Variants in PBX3 observed in about 807,000 individuals in gnomAD.
The protein encoded by PBX3 is PBX homeobox 3.
PBX3 carries 14 observed loss-of-function variants against 48.5 expected under a neutral mutation model. The observed-to-expected ratio is 0.29, with a 90% CI of 0.19 to 0.45. The LOEUF is 0.45. PBX3 is among the 20% of genes least tolerant of loss of function. PBX3 has a pLI of 1.00. For synonymous variants in PBX3, 210 were observed against 200.3 expected (o/e 1.05, Z -0.41); for missense variants, 386 against 546.7 (o/e 0.71, Z 2.93).
chr9:125,893,647 G>A lies in PBX3; in HGVS notation c.275-22039G>A, dbSNP rs950727948. On this transcript the variant is annotated intron_variant, in intron 2 of 8. Coordinates refer to ENST00000373489, the MANE Select transcript of PBX3 (RefSeq NM_006195.6). ...TTATTGTAATGCATGTGCATTGGTG[G>A]CTTATATGTATACTCTGGCTCTGTC... Among the ~76,000 whole-genome samples the A allele has an allele frequency of 5.9e-5, 9 of 152,250 alleles. 1 individual carries two copies. In the South Asian group the frequency reaches 1.9e-3, roughly 32 times the overall value.
chr9:125,924,230 A>G (rs1841520020), intron 3 of PBX3, among the ~76,000 whole-genome samples: 1 of 152,190 alleles, frequency 6.6e-6, no homozygotes, highest in African/African-American at 2.4e-5. Flanking sequence ...TTTTTTTAAA[A>G]ACAAAAAACC....
At chr9:125,881,617 A>T (rs933751039) in intron 2 of PBX3, among the ~76,000 whole-genome samples, 3 of 151,712 alleles carry the variant, frequency 2.0e-5, no homozygotes, top group South Asian at 2.1e-4. Flanking sequence ...TATTATTATT[A>T]TTTTTAATTA....
chr9:125,876,290 T>G (rs1564151652), intron 2 of PBX3, among the ~76,000 whole-genome samples: 1 of 152,250 alleles, frequency 6.6e-6, no homozygotes, highest in Non-Finnish European at 1.5e-5. Flanking sequence ...TTTTCTAGTT[T>G]GTATTACAAA....
intron 2 of PBX3, among the ~76,000 whole-genome samples, chr9:125,878,914 G>T (rs747966103): frequency 1.3e-4 from 19 of 151,794 alleles, no homozygotes; most frequent in Non-Finnish European, 2.6e-4. Context: ...GTATTTTTTT[G>T]TGTATATCTT....
chr9:125,806,180 C>G (rs2132111600), intron 2 of PBX3, among the ~76,000 whole-genome samples: 1 of 152,014 alleles, frequency 6.6e-6, no homozygotes, highest in East Asian at 1.9e-4. Context: ...ATGCATATAT[C>G]CAGGGAAAGG....
At chr9:125,753,789 C>T (rs140902150) in intron 2 of PBX3, among the ~76,000 whole-genome samples, 85 of 152,128 alleles carry the variant, frequency 5.6e-4, no homozygotes, top group Admixed American at 1.8e-3. Context: ...ACTGGTTGAT[C>T]GGCTTTCATA....
chr9:125,850,097 C>T (rs975722703), intron 2 of PBX3, among the ~76,000 whole-genome samples: 3 of 151,938 alleles, frequency 2.0e-5, no homozygotes, highest in Admixed American at 6.6e-5. Context: ...GTGATTTTGA[C>T]GTCTTAGTCT....
chr9:125,894,159 C>A (rs1840715543), intron 2 of PBX3, among the ~76,000 whole-genome samples: 1 of 151,806 alleles, frequency 6.6e-6, no homozygotes, highest in Non-Finnish European at 1.5e-5. Flanking sequence ...AATTTTATAC[C>A]CTGCATGATT....
At chr9:125,750,122 A>G (rs987218608) in intron 2 of PBX3, among the ~76,000 whole-genome samples, 2 of 152,340 alleles carry the variant, frequency 1.3e-5, no homozygotes, top group South Asian at 2.1e-4. Flanking sequence ...TGCAATTCTC[A>G]GTAAATTCTG....
chr9:125,752,023 G>A (rs1290654551), intron 2 of PBX3, among the ~76,000 whole-genome samples: 1 of 151,870 alleles, frequency 6.6e-6, no homozygotes, highest in Non-Finnish European at 1.5e-5. Context: ...CATTTTAGTA[G>A]ATAATATGAA....
intron 3 of PBX3, among the ~76,000 whole-genome samples, chr9:125,918,120 T>G (rs897337565): frequency 3.9e-4 from 60 of 152,278 alleles, no homozygotes; most frequent in African/African-American, 1.4e-3. Context: ...TGGAAAGAGA[T>G]ATAATATTAG....
chr9:125,897,756 G>A lies in PBX3; in HGVS notation c.275-17930G>A, dbSNP rs544399542. On this transcript the variant is annotated intron_variant, in intron 2 of 8. Coordinates refer to ENST00000373489, the MANE Select transcript of PBX3 (RefSeq NM_006195.6). Reference sequence around the variant, plus strand: ...ATGGGAGCTTTCCATAGAAGTGCATGTTTGCTCTGTATTAGACATGGCCAG... The same window carrying A: ...ATGGGAGCTTTCCATAGAAGTGCATATTTGCTCTGTATTAGACATGGCCAG... Among the ~76,000 whole-genome samples the A allele has an allele frequency of 1.2e-4, 18 of 151,972 alleles. No individual in the cohort carries two copies. In the South Asian group the frequency reaches 3.3e-3, roughly 28 times the overall value.
chr9:125,909,058 C>T (rs974398267), intron 2 of PBX3, among the ~76,000 whole-genome samples: 4 of 152,036 alleles, frequency 2.6e-5, no homozygotes, highest in African/African-American at 9.7e-5. Flanking sequence ...ATATATCAAG[C>T]GCTCCAACAA....
chr9:125,888,218 C>CT (rs1412398601), intron 2 of PBX3, among the ~76,000 whole-genome samples: 1 of 152,126 alleles, frequency 6.6e-6, no homozygotes, highest in Non-Finnish European at 1.5e-5. Context: ...TAATAATGGT[C>CT]TGACGGGCTG....
chr9:125,760,456 C>A (rs1205498368), intron 2 of PBX3, among the ~76,000 whole-genome samples: 1 of 151,858 alleles, frequency 6.6e-6, no homozygotes, highest in Admixed American at 6.6e-5. Context: ...GGGTTTCATA[C>A]AGTGGACAAA....
At chr9:125,856,950 G>A (rs13291174) in intron 2 of PBX3, among the ~76,000 whole-genome samples, 42,386 of 151,978 alleles carry the variant, frequency 0.28, 7,064 homozygotes, top group Middle Eastern at 0.42. Context: ...CATATGTCCT[G>A]TTCCATGATT....
At chr9:125,919,189 T>C (rs1841399640) in intron 3 of PBX3, among the ~76,000 whole-genome samples, 1 of 151,970 alleles carries the variant, frequency 6.6e-6, no homozygotes, top group Non-Finnish European at 1.5e-5. Flanking sequence ...GAAATGGGAA[T>C]AGAGCAGATG....
intron 2 of PBX3, among the ~76,000 whole-genome samples, chr9:125,767,559 A>G (rs1321954923): frequency 6.6e-6 from 1 of 152,190 alleles, no homozygotes; most frequent in Non-Finnish European, 1.5e-5. Context: ...TGAAAGTGAT[A>G]AAAGCAGTGG....
At chr9:125,825,826 T>C (rs1838792835) in intron 2 of PBX3, among the ~76,000 whole-genome samples, 1 of 152,230 alleles carries the variant, frequency 6.6e-6, no homozygotes. Flanking sequence ...TTTTCTTTTT[T>C]ACTCTCAATT....
Sources: gnomAD v4.1 joint callset for allele counts (sites outside exome capture counted in the v4.1 genomes callset) on GRCh38, gnomAD v4.1.1 for gene constraint, MANE v1.5 for transcripts, NCBI Gene and HGNC (gene_info 2026-07-23, HGNC 2026-07-21) for gene names.